TRIM5: variants seen among roughly 807,000 people sequenced by gnomAD.
TRIM5 encodes the protein tripartite motif containing 5, also known as tripartite motif-containing protein 5.
Under a neutral mutation model 35.6 loss-of-function variants are expected in TRIM5, and 31 were observed. The observed-to-expected ratio is 0.87, with a 90% CI of 0.65 to 1.18. The LOEUF (loss-of-function observed/expected upper bound fraction) is 1.18. Among genes scored for constraint, TRIM5 ranks in the 50% most tolerant of loss-of-function variants. The probability of loss-of-function intolerance (pLI) is 0.00; values close to 1 mark genes in which losing one functional copy is unlikely to be tolerated. For synonymous variants in TRIM5, 243 were observed against 215.6 expected (o/e 1.13, Z -1.11); for missense variants, 609 against 591.6 (o/e 1.03, Z -0.31).
At chr11:5,653,487 GTTTT>G in the TRIM5 span, among the ~76,000 whole-genome samples, 5 of 140,224 alleles carry the variant, frequency 3.6e-5, no homozygotes, top group African/African-American at 1.0e-4. Flanking sequence ...ATTTTTTTTT[GTTTT>G]TTTTGTTTTT....
At chr11:5,638,455 A>G in the TRIM5 span, among the ~76,000 whole-genome samples, 1 of 152,136 alleles carries the variant, frequency 6.6e-6, no homozygotes, top group Non-Finnish European at 1.5e-5. Context: ...TAATACAGAG[A>G]GCAAAACCAT....
the TRIM5 span, among the ~76,000 whole-genome samples, chr11:5,607,676 T>G: frequency 6.6e-6 from 1 of 152,052 alleles, no homozygotes; most frequent in South Asian, 2.1e-4. Flanking sequence ...GATGCCAGGG[T>G]GAATATATGG....
chr11:5,605,552 A>G, the TRIM5 span: 3 of 1,613,186 alleles, frequency 1.9e-6, no homozygotes, highest in East Asian at 6.7e-5. Context: ...AGGGGTCAAC[A>G]ATGGAGCTGC....
At chr11:5,630,661 T>G in the TRIM5 span, among the ~76,000 whole-genome samples, 10,276 of 152,294 alleles carry the variant, frequency 0.067, 592 homozygotes, top group East Asian at 0.18. Flanking sequence ...CAGCTTTCAT[T>G]AAACTCTTAC....
chr11:5,602,001 C>G, the TRIM5 span, among the ~76,000 whole-genome samples: 1 of 152,204 alleles, frequency 6.6e-6, no homozygotes, highest in East Asian at 1.9e-4. Flanking sequence ...TTCTGACCCC[C>G]TCATTCATCC....
At chr11:5,616,824 C>G in the TRIM5 span, among the ~76,000 whole-genome samples, 2 of 141,336 alleles carry the variant, frequency 1.4e-5, 1 homozygote, top group East Asian at 4.6e-4. Flanking sequence ...ACTGCAACCT[C>G]TGCCTCCTGG....
chr11:5,635,746 C>T, the TRIM5 span, among the ~76,000 whole-genome samples: 1 of 152,138 alleles, frequency 6.6e-6, no homozygotes, highest in Non-Finnish European at 1.5e-5. Context: ...GTCTCTGGTG[C>T]TTATATCCCA....
chr11:5,639,265 T>G, the TRIM5 span, among the ~76,000 whole-genome samples: 6,178 of 152,276 alleles, frequency 0.041, 398 homozygotes, highest in African/African-American at 0.14. Flanking sequence ...TAAGGGAAAC[T>G]GATTGTTCTG....
At chr11:5,634,539 A>C in the TRIM5 span, 1 of 832,560 alleles carries the variant, frequency 1.2e-6, no homozygotes. Context: ...ACATATATAT[A>C]TATATATATT....
chr11:5,642,345 T>C, the TRIM5 span: 653,430 of 1,451,748 alleles, frequency 0.45, 153,136 homozygotes, highest in Non-Finnish European at 0.49. Context: ...AAACCAGTGA[T>C]GTGGGAGGGA....
chr11:5,675,662 CTT>C (rs71053292), intron 4 of TRIM5, among the ~76,000 whole-genome samples: 76,455 of 141,686 alleles, frequency 0.54, 23,022 homozygotes, highest in Non-Finnish European at 0.69. Flanking sequence ...TCTTGCATTT[CTT>C]TTTTTTTTTT....
downstream of TRIM5, among the ~76,000 whole-genome samples, chr11:5,658,645 T>C (rs1850709732): frequency 1.3e-5 from 2 of 152,218 alleles, no homozygotes; most frequent in African/African-American, 4.8e-5. Context: ...GATTTTCACA[T>C]TTTGTGCAAG....
At chr11:5,619,570 G>A in the TRIM5 span, among the ~76,000 whole-genome samples, 2 of 150,304 alleles carry the variant, frequency 1.3e-5, no homozygotes, top group South Asian at 2.1e-4. Flanking sequence ...GGGGCCCTAA[G>A]TCTAGGTGCT....
At chr11:5,606,147 A>T in the TRIM5 span, among the ~76,000 whole-genome samples, 18 of 152,202 alleles carry the variant, frequency 1.2e-4, no homozygotes, top group African/African-American at 4.3e-4. Flanking sequence ...AGGCACACTT[A>T]CGCCAAGCTA....
the TRIM5 span, among the ~76,000 whole-genome samples, chr11:5,650,938 T>C: frequency 1.3e-5 from 2 of 152,242 alleles, no homozygotes; most frequent in African/African-American, 2.4e-5. Flanking sequence ...CACCATTGTA[T>C]TGGCTTGATC....
At chr11:5,630,304 CAT>C in the TRIM5 span, among the ~76,000 whole-genome samples, 12 of 152,264 alleles carry the variant, frequency 7.9e-5, 1 homozygote, top group South Asian at 8.3e-4. Context: ...TTTTCCCCCA[CAT>C]GTCTAGTCTG....
the TRIM5 span, chr11:5,611,067 CAG>C: frequency 6.2e-7 from 1 of 1,614,206 alleles, no homozygotes; most frequent in South Asian, 1.1e-5. Flanking sequence ...GTATCAGCCT[CAG>C]AGTGGATACT....
the TRIM5 span, chr11:5,641,184 GAAA>G: frequency 1.2e-6 from 2 of 1,613,578 alleles, no homozygotes; most frequent in Admixed American, 1.7e-5. Flanking sequence ...GTGGAATCAT[GAAA>G]TGGTGCGTAT....
chr11:5,609,922 C>CA, the TRIM5 span, among the ~76,000 whole-genome samples: 10,678 of 149,206 alleles, frequency 0.072, 479 homozygotes, highest in South Asian at 0.14. Context: ...GACTCCTTCT[C>CA]AAAAAAAAAA....
Sources: allele counts gnomAD v4.1 joint callset (sites outside exome capture counted in the v4.1 genomes callset), GRCh38; gene constraint gnomAD v4.1.1; transcripts MANE v1.5; gene names NCBI Gene and HGNC (gene_info 2026-07-23, HGNC 2026-07-21).